CRLF2: variants seen among roughly 807,000 people sequenced by gnomAD.
The protein encoded by CRLF2 is cytokine receptor like factor 2.
Under a neutral mutation model 38.7 loss-of-function variants are expected in CRLF2, and 41 were observed. The observed-to-expected ratio is 1.06, with a 90% CI of 0.83 to 1.37. The LOEUF is 1.37. Among genes scored for constraint, CRLF2 ranks in the 40% most tolerant of loss-of-function variants. The pLI is 0.00. For synonymous variants in CRLF2, 140 were observed against 128.8 expected, an observed-to-expected ratio of 1.09 and a Z score of -0.59; for missense variants, 377 against 322.2, an observed-to-expected ratio of 1.17 and a Z score of -1.30.
intron 1 of CRLF2, among the ~76,000 whole-genome samples, chrX:1,209,734 T>C (rs2086762174): frequency 6.6e-6 from 1 of 152,254 alleles, no homozygotes; most frequent in Non-Finnish European, 1.5e-5. Context: ...CCCCTGTGGA[T>C]ACCTAAGGTG....
At chrX:1,208,214 C>G (rs1277052257) in intron 2 of CRLF2, among the ~76,000 whole-genome samples, 6 of 152,080 alleles carry the variant, frequency 3.9e-5, no homozygotes, top group Non-Finnish European at 7.4e-5. Flanking sequence ...TTAAAGTTCA[C>G]CCAGAGCTCT....
intron 4 of CRLF2, chrX:1,199,267 G>C (rs1385095489): frequency 6.6e-6 from 1 of 152,176 alleles, no homozygotes; most frequent in Non-Finnish European, 1.5e-5. Context: ...ATGAGCCACT[G>C]TGCCTGGCCT....
At position 1,190,793 on chromosome X, in the gene CRLF2, G is replaced by C. The variant is rs1179294059; in HGVS notation, c.*104C>G. On this transcript the variant is annotated 3_prime_UTR_variant, in exon 8 of 8. Coordinates refer to ENST00000400841, the MANE Select transcript of CRLF2 (RefSeq NM_022148.4). ...GTCTCCTAGTCCTACCATCATTGGCGTGGAGACTTCCCATCCATGGTGGTG... is the reference window on the plus strand; with the variant it reads ...GTCTCCTAGTCCTACCATCATTGGCCTGGAGACTTCCCATCCATGGTGGTG... 7.5e-6 allele frequency: 3 copies of C among 398,508 alleles called. No homozygotes were observed. The highest frequency in any genetic ancestry group is 4.4e-6 in the Non-Finnish European group (1 of 226,082). The allele number at this position is 398,508 out of a possible 1,614,324, so 24.7% of individuals were successfully genotyped here. A position where few individuals can be genotyped will look rare whatever the true frequency, so the allele number is the denominator to read the frequency against.
chrX:1,196,348 C>T (rs1186497685), intron 6 of CRLF2, among the ~76,000 whole-genome samples: 10 of 151,652 alleles, frequency 6.6e-5, no homozygotes, highest in Non-Finnish European at 8.8e-5. Flanking sequence ...CCACCACACC[C>T]GGCTACTTTT....
intron 6 of CRLF2, among the ~76,000 whole-genome samples, chrX:1,193,596 G>A (rs1442960087): frequency 3.3e-5 from 5 of 151,508 alleles, no homozygotes; most frequent in African/African-American, 9.7e-5. Flanking sequence ...TGGCCAACAT[G>A]GTGAAATCCC....
intron 5 of CRLF2, among the ~76,000 whole-genome samples, chrX:1,198,172 C>T (rs2086526932): frequency 7.4e-6 from 1 of 135,342 alleles, no homozygotes; most frequent in Non-Finnish European, 1.6e-5. Flanking sequence ...AGGACACCCT[C>T]CCTCCCACCT....
intron 3 of CRLF2, among the ~76,000 whole-genome samples, 200 bp from the exon 4 acceptor site, chrX:1,202,735 C>T (rs1198143352): frequency 6.6e-6 from 1 of 152,020 alleles, no homozygotes; most frequent in Non-Finnish European, 1.5e-5. Flanking sequence ...AAGGAAGGAA[C>T]TCTCTAAAAT....
At chrX:1,196,633 CT>C (rs1569467723) in intron 6 of CRLF2, 146 bp downstream of exon 6, 1 of 1,083,194 alleles carries the variant, frequency 9.2e-7, no homozygotes, top group Non-Finnish European at 1.3e-6. Context: ...TCCGAAATTT[CT>C]TATAATCCAC....
chrX:1,191,980 T>A (rs1197428630), intron 7 of CRLF2, among the ~76,000 whole-genome samples: 3 of 146,278 alleles, frequency 2.1e-5, no homozygotes, highest in East Asian at 2.2e-4. Context: ...CCAAGGTGGG[T>A]GGATCATGAG....
rs2086367049 is a variant in CRLF2 at position 1,191,217 on chromosome X, G to A, written c.853-57C>T. 1.0e-5 allele frequency: 4 copies of A among 398,508 alleles called. No homozygotes were observed. The Admixed American group carries it at 1.8e-4, about 18-fold the overall frequency. The allele number at this position is 398,508 out of a possible 1,614,324, so 24.7% of individuals were successfully genotyped here. A position where few individuals can be genotyped will look rare whatever the true frequency, so the allele number is the denominator to read the frequency against. On this transcript the variant is annotated intron_variant, in intron 7 of 7. Coordinates refer to ENST00000400841, the MANE Select transcript of CRLF2 (RefSeq NM_022148.4). ...GTGGACACACCACACACAGCGTCCT[G>A]AGCATCCGTACAGACGGTACCCACC...
intron 7 of CRLF2, among the ~76,000 whole-genome samples, chrX:1,192,759 T>TC (rs2086415004): frequency 9.1e-4 from 114 of 125,330 alleles, no homozygotes; most frequent in Non-Finnish European, 1.6e-3. Context: ...TTTCTTTCTT[T>TC]CTTTCTTTCC....
At position 1,193,272 on chromosome X, in the gene CRLF2, T is replaced by C. The variant is rs1316630047; in HGVS notation, c.798A>G (p.Pro266=). The C allele has an allele frequency of 1.3e-4, 52 of 398,448 alleles. No homozygotes were observed. The highest frequency in any genetic ancestry group is 1.3e-4 in the Admixed American group (3 of 22,656). The allele number at this position is 398,448 out of a possible 1,614,324, so 24.7% of individuals were successfully genotyped here. Residue 266 remains proline (P), a synonymous_variant, in exon 7 of 8, where the codon CCA becomes CCG. Coordinates refer to ENST00000400841, the MANE Select transcript of CRLF2 (RefSeq NM_022148.4). The part of the protein sequence containing the change: ...RVKKFLIPSV[P]DPKSIFPGLF... ...GCCCGGGGAAGATGGATTTCGGGTC[T>C]GGCACGCTGGGAATGAGAAACTTCT...
At chrX:1,196,726 C>G in intron 6 of CRLF2, 54 bp downstream of exon 6, 10 of 1,595,250 alleles carry the variant, frequency 6.3e-6, no homozygotes, top group East Asian at 2.2e-5. Flanking sequence ...TCGTACTTCA[C>G]AGACATTGTG....
chrX:1,206,451 G>T lies in CRLF2; in HGVS notation c.331C>A (p.Arg111Ser). 2 of 1,613,542 alleles carry T rather than the reference G, an allele frequency of 1.2e-6. No individual in the cohort carries two copies. The highest frequency in any genetic ancestry group is 1.7e-6 in the Non-Finnish European group (2 of 1,179,560). Residue 111 changes from arginine to serine, a missense_variant, in exon 3 of 8, where the codon CGC (arginine) becomes AGC (serine). Transcript: ENST00000400841. ...TACTTACGGTAATAAACCATCCAGC[G>T]ACTTGCGGTGAAAACGGGGTGCGTC... ...NGTHPVFTAS[R>S]WMVYYLKPSS...
intron 6 of CRLF2, 100 bp from the exon 7 acceptor site, chrX:1,193,402 A>G (rs1260886551): frequency 2.5e-6 from 1 of 397,414 alleles, no homozygotes; most frequent in Non-Finnish European, 4.4e-6. Context: ...ACAGACCAAG[A>G]ATGGCAGAGC....
intron 3 of CRLF2, among the ~76,000 whole-genome samples, chrX:1,203,247 G>A (rs2086639986): frequency 6.6e-6 from 1 of 151,944 alleles, no homozygotes; most frequent in Admixed American, 6.6e-5. Context: ...AGGAGGAGAT[G>A]CAGACACAGA....
At chrX:1,212,248 G>C (rs2086815842) in intron 1 of CRLF2, among the ~76,000 whole-genome samples, 1 of 151,674 alleles carries the variant, frequency 6.6e-6, no homozygotes, top group South Asian at 2.1e-4. Context: ...TCAATCAATA[G>C]ATAGACACAC....
intron 6 of CRLF2, 33 bp downstream of exon 6, chrX:1,196,747 C>A (rs2086483148): frequency 6.2e-7 from 1 of 1,609,756 alleles, no homozygotes; most frequent in Admixed American, 1.7e-5. Flanking sequence ...CAAGCAGGTC[C>A]CTCCACCCAC....
At chrX:1,200,319 G>A (rs111162394) in intron 4 of CRLF2, among the ~76,000 whole-genome samples, 72,767 of 146,106 alleles carry the variant, frequency 0.5, 19,141 homozygotes, top group East Asian at 0.68. Flanking sequence ...GCACATATGT[G>A]TGTATATATA....
Sources: allele counts gnomAD v4.1 joint callset (sites outside exome capture counted in the v4.1 genomes callset), GRCh38; gene constraint gnomAD v4.1.1; transcripts MANE v1.5; gene names NCBI Gene and HGNC (gene_info 2026-07-23, HGNC 2026-07-21).